Variants in GCC2 observed in about 807,000 individuals in gnomAD.
GCC2 encodes GRIP and coiled-coil domain-containing protein 2.
A neutral mutation model predicts 210.6 loss-of-function variants in GCC2; 120 were observed. The observed-to-expected ratio is 0.57, with a 90% CI of 0.49 to 0.66. GCC2 has a LOEUF of 0.66. GCC2 is among the 30% of genes least tolerant of loss of function. The probability of loss-of-function intolerance (pLI) is 0.00; values close to 1 mark genes in which losing one functional copy is unlikely to be tolerated. For synonymous variants in GCC2, 703 were observed against 652.7 expected, an observed-to-expected ratio of 1.08 and a Z score of -1.17; for missense variants, 1,868 against 1,871.9, an observed-to-expected ratio of 1.00 and a Z score of 0.04.
At chr2:108,491,615 GTTAA>G (rs200729068) in intron 18 of GCC2, among the ~76,000 whole-genome samples, 3,769 of 152,192 alleles carry the variant, frequency 0.025, 61 homozygotes, top group African/African-American at 0.032. Flanking sequence ...AGACTAAACT[GTTAA>G]CAACGTTTAT....
intron 9 of GCC2, among the ~76,000 whole-genome samples, chr2:108,479,790 T>C (rs1681742033): frequency 1.3e-5 from 2 of 152,042 alleles, no homozygotes; most frequent in Admixed American, 1.3e-4. Flanking sequence ...AAGACCAGCC[T>C]GGCCAACATG....
intron 19 of GCC2, chr2:108,493,775 T>C: frequency 1.0e-6 from 1 of 985,272 alleles, no homozygotes; most frequent in African/African-American, 1.7e-5. Flanking sequence ...ATTTAACATA[T>C]GCCAAAGAAT....
rs565658518 is a variant in GCC2, at chr2:108,449,766, G to A, written c.63+77G>A. The A allele has an allele frequency of 7.0e-6, 8 of 1,139,952 alleles. No individual in the cohort carries two copies. The East Asian group carries it at 7.1e-5, about 10-fold the overall frequency. The allele number at this position is 1,139,952 out of a possible 1,614,324, so 70.6% of individuals were successfully genotyped here. On this transcript the variant is annotated intron_variant, in intron 2 of 22. Coordinates refer to ENST00000309863, the MANE Select transcript of GCC2 (RefSeq NM_181453.4). The stretch of plus-strand genomic sequence containing the variant: ...ATTGGAAAACTTTGGCATGGGGAAG[G>A]GGGGGGCGCTGATTTTTTTTTTTTT...
intron 13 of GCC2, among the ~76,000 whole-genome samples, chr2:108,485,345 A>G (rs77251634): frequency 6.6e-6 from 1 of 151,936 alleles, no homozygotes; most frequent in African/African-American, 2.4e-5. Flanking sequence ...GAAAAAAAAA[A>G]GATGTTTGTA....
In GCC2 at chr2:108,469,000, TGCTCTTC is replaced by T; in HGVS notation, c.238_244del (p.Ala80PhefsTer14). 3 of 1,611,576 alleles carry T rather than the reference TGCTCTTC, an allele frequency of 1.9e-6. No individual in the cohort carries two copies. Among genetic ancestry groups the T allele is most frequent in the Non-Finnish European group, 2.5e-6 (3 of 1,177,876 alleles). ...AATAGGCATTAACTGAACGTCTGGA[TGCTCTTC>T]TTCTGGAAAAAGCAGAGACTGAGCA... On this transcript the variant is annotated frameshift_variant, in exon 5 of 23. Coordinates refer to ENST00000309863, the MANE Select transcript of GCC2 (RefSeq NM_181453.4). LOFTEE classifies it high-confidence loss of function.
Position 108,469,873 on chromosome 2 carries a change from A to G in GCC2, c.544A>G (p.Lys182Glu). The change falls in exon 6 of 23, where the codon AAA becomes GAA. Residue 182 changes from lysine (K) to glutamate (E), a missense_variant. Around this residue, in one of 3 missense-constraint regions of GCC2, gnomAD observed 1,847 missense variants for 1,765.2 expected, o/e 1.05. Coordinates refer to ENST00000309863, the MANE Select transcript of GCC2 (RefSeq NM_181453.4). ...FQNNSEDNVKKLQEEIEKIRP... is the reference protein window; with the variant it reads ...FQNNSEDNVKELQEEIEKIRP... ...GAACAACTCTGAAGATAATGTTAAAAAACTACAAGAAGAGATTGAGAAAAT... is the reference window on the plus strand; with the variant it reads ...GAACAACTCTGAAGATAATGTTAAAGAACTACAAGAAGAGATTGAGAAAAT... 1 of 1,612,690 alleles carries G rather than the reference A, an allele frequency of 6.2e-7. No individual in the cohort carries two copies. Among genetic ancestry groups the G allele is most frequent in the South Asian group, 1.1e-5 (1 of 90,704 alleles).
chr2:108,463,676 G>A (rs770380165), intron 4 of GCC2, among the ~76,000 whole-genome samples: 1 of 152,182 alleles, frequency 6.6e-6, no homozygotes, highest in Non-Finnish European at 1.5e-5. Flanking sequence ...TGAGCCTCCA[G>A]GTAGCTTGAT....
At chr2:108,488,180 T>TA (rs1464612343) in intron 17 of GCC2, among the ~76,000 whole-genome samples, 3 of 152,164 alleles carry the variant, frequency 2.0e-5, no homozygotes, top group Non-Finnish European at 2.9e-5. Flanking sequence ...GTGCTGGGAT[T>TA]ACAGACGTGA....
intron 4 of GCC2, among the ~76,000 whole-genome samples, chr2:108,457,470 CT>C (rs927983249): frequency 1.1e-4 from 16 of 150,504 alleles, no homozygotes; most frequent in Admixed American, 7.3e-4. Context: ...GCTTTTCTGG[CT>C]TTTTTTTTGG....
At chr2:108,494,407 A>C (rs1022483670) in intron 19 of GCC2, 1 of 152,142 alleles carries the variant, frequency 6.6e-6, no homozygotes, top group Non-Finnish European at 1.5e-5. Context: ...GTTTATCAGC[A>C]AACAGGAAAG....
At position 108,481,752 on chromosome 2, in the gene GCC2, G is replaced by A. The variant is rs145961164; in HGVS notation, c.3116G>A (p.Arg1039His). ...QSEQLDVEKE[R>H]ANNFEHRIED... ...GAGCAACTGGATGTGGAAAAAGAAC[G>A]TGCTAATAATTTTGAGCATCGTATT... The change falls in exon 10 of 23, where the codon CGT (arginine) becomes CAT (histidine). Residue 1039 changes from arginine (R) to histidine (H), a missense_variant. Arg to His is a conservative substitution (Grantham distance 29). Around this residue, in one of 3 missense-constraint regions of GCC2, gnomAD observed 1,847 missense variants for 1,765.2 expected, o/e 1.05. Coordinates refer to ENST00000309863, the MANE Select transcript of GCC2 (RefSeq NM_181453.4). The A allele has an allele frequency of 1.4e-5, 23 of 1,602,048 alleles. No individual in the cohort carries two copies. Among genetic ancestry groups the A allele is most frequent in the South Asian group, 5.6e-5 (5 of 89,452 alleles).
intron 6 of GCC2, 139 bp from the exon 7 acceptor site, chr2:108,472,688 G>A (rs1681300669): frequency 1.7e-6 from 1 of 603,828 alleles, no homozygotes; most frequent in Admixed American, 3.3e-5. Flanking sequence ...AAAATCTGTT[G>A]ACCAAATTGG....
At chr2:108,501,319 T>G (rs542295083) in intron 22 of GCC2, among the ~76,000 whole-genome samples, 1 of 152,152 alleles carries the variant, frequency 6.6e-6, no homozygotes, top group East Asian at 1.9e-4. Flanking sequence ...CAATTATATA[T>G]ATAAATATAT....
Position 108,482,340 on chromosome 2 carries a change from A to G in GCC2, c.3234A>G (p.Leu1078=). 6.3e-7 allele frequency: 1 copy of G among 1,586,482 alleles called. No homozygotes were observed. Among genetic ancestry groups the G allele is most frequent in the East Asian group, 2.2e-5 (1 of 44,646 alleles). The change falls in exon 11 of 23, where the codon TTA becomes TTG. Residue 1078 remains leucine (L), a synonymous_variant. Transcript: ENST00000309863. ...ATCTCCTGGCTCGTATTGAGACATT[A>G]CAGTCTAATGCCAAATTATTAGAAG... ...NEDLLARIET[L]QSNAKLLEVQ...
Position 108,492,723 on chromosome 2 carries a change from A to G in GCC2, c.4380A>G (p.Thr1460=), listed in dbSNP as rs773706329. The G allele has an allele frequency of 2.5e-6, 4 of 1,614,140 alleles. No homozygotes were observed. Among genetic ancestry groups the G allele is most frequent in the South Asian group, 2.2e-5 (2 of 91,086 alleles). Residue 1460 remains threonine, a synonymous_variant, in exon 19 of 23, where the codon ACA becomes ACG. Coordinates refer to ENST00000309863, the MANE Select transcript of GCC2 (RefSeq NM_181453.4). ...AAGAACACAGAAAGACAGTGGAGAC[A>G]TTACAGCAGCAGCTCTCCAAGATGG... ...LQEEHRKTVE[T]LQQQLSKMEA...
intron 9 of GCC2, among the ~76,000 whole-genome samples, chr2:108,480,853 A>G (rs1681816924): frequency 7.6e-6 from 1 of 132,232 alleles, no homozygotes; most frequent in South Asian, 2.4e-4. Context: ...AACCCCTGTG[A>G]CACAAGTTTG....
intron 4 of GCC2, among the ~76,000 whole-genome samples, chr2:108,455,484 G>GT (rs1286144005): frequency 6.6e-6 from 1 of 151,396 alleles, no homozygotes; most frequent in Non-Finnish European, 1.5e-5. Context: ...TACCTTTAAG[G>GT]TTTTTTTTCT....
intron 10 of GCC2, 106 bp downstream of exon 10, chr2:108,481,922 TCC>T: frequency 1.3e-6 from 1 of 781,490 alleles, no homozygotes; most frequent in Non-Finnish European, 2.0e-6. Context: ...CAGAATTTAT[TCC>T]CCCCCCACTT....
chr2:108,506,394 A>T (rs1223368353), intron 22 of GCC2, among the ~76,000 whole-genome samples: 2 of 151,978 alleles, frequency 1.3e-5, no homozygotes. Context: ...GATTCTACTT[A>T]TATGACACTC....
Sources: gnomAD v4.1 joint callset for allele counts (sites outside exome capture counted in the v4.1 genomes callset) on GRCh38, gnomAD v4.1.1 for gene constraint, gnomAD v4.1.1 regional missense constraint, MANE v1.5 for transcripts, NCBI Gene and HGNC (gene_info 2026-07-23, HGNC 2026-07-21) for gene names.